SEPTIN9: variants seen among roughly 807,000 people sequenced by gnomAD.
SEPTIN9 encodes the protein septin-9.
In SEPTIN9, 13 loss-of-function variants were observed where a neutral mutation model predicts 56.6. The ratio of observed to expected loss-of-function variants is 0.23; its 90% CI spans 0.15 to 0.37. SEPTIN9 has a LOEUF of 0.37. Ranked by LOEUF, SEPTIN9 falls within the 10% of genes least tolerant of loss-of-function variation. The pLI is 1.00. For synonymous variants in SEPTIN9, 332 were observed against 334.1 expected (o/e 0.99, Z 0.07); for missense variants, 650 against 823.1 (o/e 0.79, Z 2.57).
At chr17:77,398,320 T>TGGTGAAGG in intron 2 of SEPTIN9, among the ~76,000 whole-genome samples, 1 of 152,158 alleles carries the variant, frequency 6.6e-6, no homozygotes, top group Non-Finnish European at 1.5e-5. Context: ...AGGCATGGTG[T>TGGTGAAGG]CATGGAGTAG....
intron 3 of SEPTIN9, among the ~76,000 whole-genome samples, chr17:77,428,303 G>A (rs747255264): frequency 4.6e-5 from 7 of 152,216 alleles, no homozygotes; most frequent in Non-Finnish European, 1.0e-4. Flanking sequence ...CCTGGTGCAG[G>A]TTCAACCATT....
chr17:77,379,141 T>C (rs1215705284), intron 2 of SEPTIN9, among the ~76,000 whole-genome samples: 1 of 152,012 alleles, frequency 6.6e-6, no homozygotes, highest in Non-Finnish European at 1.5e-5. Flanking sequence ...TCTTGTCTAG[T>C]GGTGAGACCA....
chr17:77,408,692 T>G (rs2036182588), intron 3 of SEPTIN9, among the ~76,000 whole-genome samples: 1 of 151,176 alleles, frequency 6.6e-6, no homozygotes, highest in African/African-American at 2.4e-5. Context: ...AGGGCGGGCA[T>G]CAGCCTGCAA....
In SEPTIN9 at chr17:77,488,274, A is replaced by G; in HGVS notation, c.1077A>G (p.Thr359=). 1 of 1,613,798 alleles carries G rather than the reference A, an allele frequency of 6.2e-7. No homozygotes were observed. The highest frequency in any genetic ancestry group is 8.5e-7 in the Non-Finnish European group (1 of 1,179,854). The change falls in exon 6 of 12, where the codon ACA becomes ACG. Residue 359 remains threonine, a synonymous_variant. Transcript: ENST00000427177. The part of the protein sequence containing the change: ...IEEKGVRMKL[T]VIDTPGFGDH... ...AGAAAGGCGTCCGGATGAAGCTGAC[A>G]GTGATTGACACACCAGGGTTCGGGG... is the stretch of plus-strand genomic sequence containing the variant.
At chr17:77,363,688 G>A (rs1010500286) in intron 2 of SEPTIN9, among the ~76,000 whole-genome samples, 2 of 151,968 alleles carry the variant, frequency 1.3e-5, no homozygotes, top group Admixed American at 6.6e-5. Flanking sequence ...GTGCCCAGCC[G>A]AGCCCATCTT....
intron 2 of SEPTIN9, among the ~76,000 whole-genome samples, chr17:77,390,406 C>T (rs1433521806): frequency 6.7e-6 from 1 of 148,274 alleles, no homozygotes; most frequent in East Asian, 2.0e-4. Flanking sequence ...GCAGTCACCT[C>T]CCCTTCATGT....
rs555510168 is a variant in SEPTIN9 at position 77,467,619 on chromosome 17, T to C, written c.722-14525T>C. On this transcript the variant is annotated intron_variant, in intron 3 of 11. Coordinates refer to ENST00000427177, the MANE Select transcript of SEPTIN9 (RefSeq NM_001113491.2). ...CCGGCTGTCCCAGGAAGCCCATCCA[T>C]CCTTCCGCCTTAATGCTTTGTGGCT... Among the ~76,000 whole-genome samples, 62 of 152,276 alleles carry C rather than the reference T, an allele frequency of 4.1e-4. No individual in the cohort carries two copies. In the South Asian group the frequency reaches 0.013, roughly 31 times the overall value.
intron 3 of SEPTIN9, among the ~76,000 whole-genome samples, chr17:77,470,503 C>T (rs912902075): frequency 1.3e-5 from 2 of 152,102 alleles, no homozygotes; most frequent in Non-Finnish European, 2.9e-5. Context: ...CCCATTCACT[C>T]ATCTACTCAT....
chr17:77,489,563 GC>G (rs2039939244), intron 7 of SEPTIN9, among the ~76,000 whole-genome samples: 1 of 152,202 alleles, frequency 6.6e-6, no homozygotes, highest in African/African-American at 2.4e-5. Context: ...GGTGGAGGCA[GC>G]CGTGGGTGGC....
rs2038061840 is a variant in SEPTIN9, at chr17:77,453,460, C to T, written c.722-28684C>T. Among the ~76,000 whole-genome samples, 1 of 151,024 alleles carries T rather than the reference C, an allele frequency of 6.6e-6. No homozygotes were observed. The highest frequency in any genetic ancestry group is 2.1e-4 in the South Asian group (1 of 4,830). ...GTCTCTACTAAAAATACTGGCTAAT[C>T]CGGGCATGGTGGCGCGTGCCTGTAA... On this transcript the variant is annotated intron_variant, in intron 3 of 11. Coordinates refer to ENST00000427177, the MANE Select transcript of SEPTIN9 (RefSeq NM_001113491.2). This position sits in a 1 kb window ranked among gnomAD's most constrained non-coding sequence, Gnocchi z 4.4.
intron 4 of SEPTIN9, among the ~76,000 whole-genome samples, chr17:77,484,604 GTGGTGATGGTGGTGATGGGGA>G (rs2039614622): frequency 4.8e-5 from 7 of 147,240 alleles, no homozygotes; most frequent in African/African-American, 1.8e-4. Context: ...TGTGATGGTG[GTGGTGATGGTGGTGATGGGGA>G]TGATGATGGT....
chr17:77,402,472 A>T lies in SEPTIN9; in HGVS notation c.490A>T (p.Arg164Trp). The change falls in exon 3 of 12, where the codon AGG (arginine) becomes TGG (tryptophan). Residue 164 changes from arginine to tryptophan, a missense_variant. Physicochemically the swap from Arg to Trp is moderately radical, Grantham distance 101. This residue lies in a region of SEPTIN9 where 317 missense variants were observed against 329.1 expected (regional missense o/e 0.96). Coordinates refer to ENST00000427177, the MANE Select transcript of SEPTIN9 (RefSeq NM_001113491.2). The surrounding 1 kb of genome is among the most constrained non-coding windows in gnomAD (Gnocchi z 6.6). ...CAAACCCCAGGAGTCAGCCCACCGG[A>T]GGATGGAGCCCCCTGCCTCCAAGGT... is the stretch of plus-strand genomic sequence containing the variant. The part of the protein sequence containing the change: ...IVKPQESAHR[R>W]MEPPASKVPE... 1 of 1,608,476 alleles carries T rather than the reference A, an allele frequency of 6.2e-7. No homozygotes were observed. Among genetic ancestry groups the T allele is most frequent in the Non-Finnish European group, 8.5e-7 (1 of 1,177,776 alleles).
intron 2 of SEPTIN9, among the ~76,000 whole-genome samples, chr17:77,312,282 C>T (rs911884142): frequency 2.6e-5 from 4 of 152,176 alleles, no homozygotes; most frequent in Non-Finnish European, 4.4e-5. Context: ...TTCCATTAGA[C>T]CTGGGCCGGG....
At chr17:77,321,004 C>T (rs2032899425) in intron 2 of SEPTIN9, among the ~76,000 whole-genome samples, 1 of 152,230 alleles carries the variant, frequency 6.6e-6, no homozygotes, top group African/African-American at 2.4e-5. Context: ...CTTTAGTTCA[C>T]CCCAGCTTTC....
chr17:77,292,616 C>T (rs1178508716), intron 1 of SEPTIN9, among the ~76,000 whole-genome samples: 2 of 152,142 alleles, frequency 1.3e-5, no homozygotes, highest in Non-Finnish European at 2.9e-5. Flanking sequence ...GCTTCAGCCT[C>T]CCAAGTAGCT....
At chr17:77,325,198 A>G (rs918391433) in intron 2 of SEPTIN9, among the ~76,000 whole-genome samples, 2 of 152,148 alleles carry the variant, frequency 1.3e-5, no homozygotes, top group African/African-American at 2.4e-5. Context: ...TTGGCGCCAT[A>G]TCCAAGAAAT....
At position 77,402,032 on chromosome 17, in the gene SEPTIN9, A is replaced by G. The variant is rs1340009034; in HGVS notation, c.77-27A>G. Reference sequence around the variant, plus strand: ...GTGTTCCCTAGCCATCCATTCACCAATTGCATCCCCTCTCTTTATTTTTCA... The same window carrying G: ...GTGTTCCCTAGCCATCCATTCACCAGTTGCATCCCCTCTCTTTATTTTTCA... On this transcript the variant is annotated intron_variant, in intron 2 of 11. Coordinates refer to ENST00000427177, the MANE Select transcript of SEPTIN9 (RefSeq NM_001113491.2). The surrounding 1 kb of genome is among the most constrained non-coding windows in gnomAD (Gnocchi z 6.6). The G allele has an allele frequency of 2.5e-6, 4 of 1,602,760 alleles. No individual in the cohort carries two copies. Among genetic ancestry groups the G allele is most frequent in the African/African-American group, 1.3e-5 (1 of 74,516 alleles).
chr17:77,416,756 C>T (rs2036522419), intron 3 of SEPTIN9, among the ~76,000 whole-genome samples: 1 of 152,170 alleles, frequency 6.6e-6, no homozygotes, highest in Non-Finnish European at 1.5e-5. Context: ...CCACTCAACG[C>T]TGGAACTGGA....
At chr17:77,491,396 C>G (rs559437647) in intron 8 of SEPTIN9, among the ~76,000 whole-genome samples, 4 of 151,948 alleles carry the variant, frequency 2.6e-5, no homozygotes, top group Non-Finnish European at 4.4e-5. Context: ...CGAGGTTTTG[C>G]CATGTTGCCC....
Sources: gnomAD v4.1 joint callset for allele counts (sites outside exome capture counted in the v4.1 genomes callset) on GRCh38, gnomAD v4.1.1 for gene constraint, gnomAD v4.1.1 regional missense constraint, Gnocchi (gnomAD v3.1) non-coding constraint, MANE v1.5 for transcripts, NCBI Gene and HGNC (gene_info 2026-07-23, HGNC 2026-07-21) for gene names.